Variants in NAALADL2 observed in about 807,000 individuals in gnomAD.
NAALADL2 encodes the protein inactive N-acetylated-alpha-linked acidic dipeptidase-like protein 2.
A neutral mutation model predicts 87.2 loss-of-function variants in NAALADL2; 76 were observed. That is an observed-to-expected ratio of 0.87 (90% CI 0.72 to 1.05). The LOEUF is 1.05. Among genes scored for constraint, NAALADL2 ranks in the 50% least tolerant of loss-of-function variants. The probability of loss-of-function intolerance (pLI) is 0.00; values close to 1 mark genes in which losing one functional copy is unlikely to be tolerated. For missense variants in NAALADL2, 1,089 were observed against 945.8 expected (o/e 1.15, Z -1.99); for synonymous variants, 354 against 331.0 (o/e 1.07, Z -0.75).
At chr3:175,502,926 C>CT (rs34588221) in intron 9 of NAALADL2, among the ~76,000 whole-genome samples, 46 of 145,926 alleles carry the variant, frequency 3.2e-4, no homozygotes, top group East Asian at 2.2e-3. Flanking sequence ...TTTTTTTTCT[C>CT]TTTTTTTTTT....
At chr3:175,259,479 A>T (rs1750645513) in intron 4 of NAALADL2, among the ~76,000 whole-genome samples, 1 of 152,200 alleles carries the variant, frequency 6.6e-6, no homozygotes, top group Non-Finnish European at 1.5e-5. Context: ...TGTTTCAGGA[A>T]AAATGAACCT....
intron 9 of NAALADL2, among the ~76,000 whole-genome samples, chr3:175,484,117 C>T (rs991395527): frequency 6.6e-6 from 1 of 152,096 alleles, no homozygotes; most frequent in African/African-American, 2.4e-5. Context: ...ATACCATTTA[C>T]CATGAATAGT....
intron 9 of NAALADL2, among the ~76,000 whole-genome samples, chr3:175,489,448 A>G (rs1181225985): frequency 6.6e-6 from 1 of 152,214 alleles, no homozygotes; most frequent in African/African-American, 2.4e-5. Context: ...CACGGCAAAC[A>G]AATAAGGCAG....
chr3:175,104,381 C>A (rs1167150527), intron 2 of NAALADL2, among the ~76,000 whole-genome samples: 1 of 152,104 alleles, frequency 6.6e-6, no homozygotes, highest in African/African-American at 2.4e-5. Context: ...TCTGACCCCA[C>A]AAGAATATAT....
intron 1 of NAALADL2, among the ~76,000 whole-genome samples, chr3:174,448,852 G>T (rs1039217605): frequency 6.6e-6 from 1 of 152,148 alleles, no homozygotes; most frequent in African/African-American, 2.4e-5. Context: ...TAGTGATGTG[G>T]TAAGTTTTGG....
intron 3 of NAALADL2, among the ~76,000 whole-genome samples, chr3:174,852,526 A>AT (rs1426818688): frequency 6.6e-6 from 1 of 152,196 alleles, no homozygotes; most frequent in African/African-American, 2.4e-5. Context: ...AAATATCTCT[A>AT]TAAAAAACTA....
chr3:175,529,114 A>G lies in NAALADL2; in HGVS notation c.1654-46927A>G, dbSNP rs143046703. On this transcript the variant is annotated intron_variant, in intron 9 of 13. Transcript: ENST00000454872. Reference sequence around the variant, plus strand: ...ATTGACCTTAATCACAGGGCATGGTAATACTAAGAGACGCCCTAATGGATC... The same window carrying G: ...ATTGACCTTAATCACAGGGCATGGTGATACTAAGAGACGCCCTAATGGATC... Among the ~76,000 whole-genome samples, 575 of 152,308 alleles carry G rather than the reference A, an allele frequency of 3.8e-3. 4 individuals are homozygous for G. Among genetic ancestry groups the G allele is most frequent in the Middle Eastern group, 0.014 (4 of 294 alleles).
In NAALADL2 at chr3:174,586,718, G is replaced by A. The variant is rs2108573443; in HGVS notation, c.-115+36081G>A. On this transcript the variant is annotated intron_variant, in intron 2 of 3. Transcript: ENST00000434257. ...ATGAATCTCTGAGTTGGCCATACTT[G>A]AAACTCTGAACACGTATTCAGATGT... Among the ~76,000 whole-genome samples the A allele has an allele frequency of 2.0e-5, 3 of 152,218 alleles. No homozygotes were observed. The South Asian group carries it at 6.2e-4, about 32-fold the overall frequency.
chr3:174,561,716 G>A (rs1713642353), intron 2 of NAALADL2, among the ~76,000 whole-genome samples: 1 of 152,146 alleles, frequency 6.6e-6, no homozygotes, highest in South Asian at 2.1e-4. Context: ...GAGATGCCAA[G>A]CAGAGAATCT....
intron 1 of NAALADL2, among the ~76,000 whole-genome samples, chr3:175,052,036 C>T (rs930938372): frequency 6.6e-5 from 10 of 152,168 alleles, no homozygotes; most frequent in Non-Finnish European, 1.3e-4. Flanking sequence ...GAGCTTCCAA[C>T]AGAGATTTAC....
chr3:175,010,430 TCTC>T (rs1749625928), intron 1 of NAALADL2, among the ~76,000 whole-genome samples: 1 of 152,150 alleles, frequency 6.6e-6, no homozygotes, highest in Non-Finnish European at 1.5e-5. Flanking sequence ...TCTAGTCTGT[TCTC>T]ATCACAGGTT....
At chr3:175,012,967 G>GTATATATA (rs372741122) in intron 1 of NAALADL2, among the ~76,000 whole-genome samples, 8,793 of 126,764 alleles carry the variant, frequency 0.069, 580 homozygotes, top group African/African-American at 0.17. Flanking sequence ...AGATGTGTGT[G>GTATATATA]TATATATATA....
intron 2 of NAALADL2, among the ~76,000 whole-genome samples, chr3:174,554,768 AT>A (rs978862844): frequency 7.6e-4 from 116 of 152,278 alleles, no homozygotes; most frequent in African/African-American, 2.7e-3. Flanking sequence ...TATACCAATA[AT>A]TTTTTTCCTT....
At chr3:174,951,073 ATAAT>A (rs1740269861) in intron 1 of NAALADL2, among the ~76,000 whole-genome samples, 1 of 152,124 alleles carries the variant, frequency 6.6e-6, no homozygotes, top group Non-Finnish European at 1.5e-5. Context: ...ATAAAGAAAA[ATAAT>A]TTTACATAAA....
intron 10 of NAALADL2, chr3:175,609,611 G>C (rs754489572): frequency 6.6e-6 from 1 of 151,864 alleles, no homozygotes; most frequent in Non-Finnish European, 1.5e-5. Context: ...TTCCATTTTG[G>C]GGACTATTGT....
chr3:174,789,327 C>T lies in NAALADL2; in HGVS notation c.-9+51581C>T, dbSNP rs182206164. Among the ~76,000 whole-genome samples, 406 of 152,254 alleles carry T rather than the reference C, an allele frequency of 2.7e-3. 1 individual carries two copies. Among genetic ancestry groups the T allele is most frequent in the African/African-American group, 9.0e-3 (373 of 41,566 alleles). ...CCACCACCAAAAGGAGTGGAGCCACCAGAAGGGCGTGAGGTAGGGTAGGTA... is the reference window on the plus strand; with the variant it reads ...CCACCACCAAAAGGAGTGGAGCCACTAGAAGGGCGTGAGGTAGGGTAGGTA... On this transcript the variant is annotated intron_variant, in intron 3 of 3. Transcript: ENST00000434257.
At chr3:174,697,556 G>A (rs938991572) in intron 2 of NAALADL2, among the ~76,000 whole-genome samples, 3 of 152,028 alleles carry the variant, frequency 2.0e-5, no homozygotes, top group African/African-American at 7.2e-5. Flanking sequence ...AAGCTGACAG[G>A]GTAATGACAC....
At chr3:175,768,484 ATAAACTGGT>A (rs1749044693) in intron 13 of NAALADL2, among the ~76,000 whole-genome samples, 2 of 152,224 alleles carry the variant, frequency 1.3e-5, no homozygotes, top group Non-Finnish European at 2.9e-5. Context: ...GGTAAATTAC[ATAAACTGGT>A]TAAGGGATAG....
intron 9 of NAALADL2, among the ~76,000 whole-genome samples, chr3:175,492,817 A>G (rs1340925759): frequency 6.6e-6 from 1 of 152,130 alleles, no homozygotes; most frequent in African/African-American, 2.4e-5. Flanking sequence ...ACTGGATGAT[A>G]AGAAAACCAT....
Sources: gnomAD v4.1 joint callset for allele counts (sites outside exome capture counted in the v4.1 genomes callset) on GRCh38, gnomAD v4.1.1 for gene constraint, MANE v1.5 for transcripts, NCBI Gene and HGNC (gene_info 2026-07-23, HGNC 2026-07-21) for gene names.